Variants in IMMP2L observed in about 807,000 individuals in gnomAD.
IMMP2L encodes the protein inner mitochondrial membrane peptidase subunit 2.
IMMP2L carries 18 observed loss-of-function variants against 19.3 expected under a neutral mutation model. That is an observed-to-expected ratio of 0.93 (90% CI 0.64 to 1.38). The LOEUF (loss-of-function observed/expected upper bound fraction) is 1.38, where lower values mean the gene tolerates loss of function less well. Among genes scored for constraint, IMMP2L ranks in the 40% most tolerant of loss-of-function variants. The probability of loss-of-function intolerance (pLI) is 0.00; values close to 1 mark genes in which losing one functional copy is unlikely to be tolerated. For synonymous variants in IMMP2L, 76 were observed against 73.0 expected, an observed-to-expected ratio of 1.04 and a Z score of -0.21; for missense variants, 233 against 218.2, an observed-to-expected ratio of 1.07 and a Z score of -0.43.
At chr7:111,337,923 G>A (rs952144526) in intron 3 of IMMP2L, among the ~76,000 whole-genome samples, 1 of 152,004 alleles carries the variant, frequency 6.6e-6, no homozygotes, top group Non-Finnish European at 1.5e-5. Flanking sequence ...CCTCTATGAG[G>A]TTTACCAGAG....
intron 3 of IMMP2L, among the ~76,000 whole-genome samples, chr7:111,366,287 C>T (rs1378314372): frequency 1.3e-5 from 2 of 149,310 alleles, no homozygotes; most frequent in African/African-American, 4.9e-5. Flanking sequence ...CTGAACTTAA[C>T]TCATGAGAAA....
chr7:110,680,275 C>G (rs1215739002), intron 5 of IMMP2L, among the ~76,000 whole-genome samples: 1 of 152,106 alleles, frequency 6.6e-6, no homozygotes, highest in African/African-American at 2.4e-5. Context: ...AAGATCTGTT[C>G]TAAGTTGTTT....
At chr7:111,268,221 TC>T (rs1818029936) in intron 3 of IMMP2L, among the ~76,000 whole-genome samples, 1 of 152,032 alleles carries the variant, frequency 6.6e-6, no homozygotes, top group Non-Finnish European at 1.5e-5. Context: ...AAAGCTGATA[TC>T]CCTAAAAGGA....
intron 3 of IMMP2L, among the ~76,000 whole-genome samples, chr7:111,273,866 C>A (rs1472762261): frequency 6.6e-6 from 1 of 152,084 alleles, no homozygotes; most frequent in Non-Finnish European, 1.5e-5. Context: ...GATCTTAATA[C>A]TGAGAGGATG....
chr7:110,825,631 C>T (rs1338031111), intron 5 of IMMP2L, among the ~76,000 whole-genome samples: 2 of 152,144 alleles, frequency 1.3e-5, no homozygotes, highest in Non-Finnish European at 2.9e-5. Context: ...ACTGGCTAGT[C>T]ATATGTAGAA....
intron 3 of IMMP2L, among the ~76,000 whole-genome samples, chr7:111,312,737 A>G (rs148441760): frequency 0.011 from 1,615 of 152,220 alleles, 29 homozygotes; most frequent in African/African-American, 0.036. Flanking sequence ...TGGAACGGCA[A>G]TTTTCCACTG....
intron 3 of IMMP2L, among the ~76,000 whole-genome samples, chr7:111,182,986 C>T (rs1807875302): frequency 6.6e-6 from 1 of 151,954 alleles, no homozygotes; most frequent in Non-Finnish European, 1.5e-5. Context: ...TGCTAGATTG[C>T]ATAAGCTTTT....
At chr7:110,793,936 G>C (rs1462659037) in intron 5 of IMMP2L, among the ~76,000 whole-genome samples, 1 of 152,068 alleles carries the variant, frequency 6.6e-6, no homozygotes, top group African/African-American at 2.4e-5. Flanking sequence ...TGTCATCAGG[G>C]AATTGGAAAT....
At chr7:110,733,365 C>A (rs1796399765) in intron 5 of IMMP2L, among the ~76,000 whole-genome samples, 1 of 152,036 alleles carries the variant, frequency 6.6e-6, no homozygotes, top group Non-Finnish European at 1.5e-5. Context: ...GTCAAGGGAA[C>A]CTCTGCGAGT....
intron 1 of IMMP2L, among the ~76,000 whole-genome samples, chr7:111,548,435 T>C (rs1849140932): frequency 6.6e-6 from 1 of 152,170 alleles, no homozygotes; most frequent in Non-Finnish European, 1.5e-5. Flanking sequence ...ACAGTCATTC[T>C]TACATCTTTT....
chr7:111,499,803 T>C (rs1048448728), intron 2 of IMMP2L, among the ~76,000 whole-genome samples: 1 of 152,168 alleles, frequency 6.6e-6, no homozygotes, highest in African/African-American at 2.4e-5. Context: ...CTTTGGGCTC[T>C]TTTTTAAAAA....
At chr7:110,669,508 A>C (rs184191350) in intron 5 of IMMP2L, among the ~76,000 whole-genome samples, 4 of 152,232 alleles carry the variant, frequency 2.6e-5, no homozygotes, top group Non-Finnish European at 4.4e-5. Flanking sequence ...ATCTGAGCAC[A>C]CTGGCACAGC....
chr7:111,512,661 A>C (rs1011892522), intron 2 of IMMP2L, among the ~76,000 whole-genome samples: 3 of 152,112 alleles, frequency 2.0e-5, no homozygotes, highest in Non-Finnish European at 4.4e-5. Context: ...AACAATCTTA[A>C]GCAAGAAGAA....
At chr7:111,271,375 G>C (rs368043384) in intron 3 of IMMP2L, among the ~76,000 whole-genome samples, 336 of 152,248 alleles carry the variant, frequency 2.2e-3, no homozygotes, top group African/African-American at 7.0e-3. Context: ...ATGGACAAAA[G>C]CTGAATAACA....
At chr7:111,099,414 A>C (rs1797735791) in intron 3 of IMMP2L, among the ~76,000 whole-genome samples, 1 of 151,784 alleles carries the variant, frequency 6.6e-6, no homozygotes, top group Non-Finnish European at 1.5e-5. Flanking sequence ...CTAGCCCTGC[A>C]AAGTTAATTG....
chr7:110,941,498 T>C (rs2129553040), intron 4 of IMMP2L, among the ~76,000 whole-genome samples: 1 of 152,274 alleles, frequency 6.6e-6, no homozygotes, highest in African/African-American at 2.4e-5. Flanking sequence ...ATAATTATAT[T>C]AATGCATTTA....
intron 3 of IMMP2L, among the ~76,000 whole-genome samples, chr7:111,309,169 C>G (rs1339588936): frequency 4.6e-5 from 7 of 152,088 alleles, no homozygotes; most frequent in Non-Finnish European, 8.8e-5. Context: ...CATTATTTCA[C>G]AGATGTACTG....
At chr7:110,843,269 T>C (rs529238130) in intron 5 of IMMP2L, among the ~76,000 whole-genome samples, 31 of 152,286 alleles carry the variant, frequency 2.0e-4, no homozygotes, top group African/African-American at 7.0e-4. Context: ...AATAGAAGCT[T>C]AATTTCAACT....
At chr7:110,859,790 T>A (rs964702523) in intron 5 of IMMP2L, among the ~76,000 whole-genome samples, 1 of 151,876 alleles carries the variant, frequency 6.6e-6, no homozygotes, top group Non-Finnish European at 1.5e-5. Flanking sequence ...TATACAGTTG[T>A]GCAAATAAAA....
Sources: allele counts gnomAD v4.1 joint callset (sites outside exome capture counted in the v4.1 genomes callset), GRCh38; gene constraint gnomAD v4.1.1; transcripts MANE v1.5; gene names NCBI Gene and HGNC (gene_info 2026-07-23, HGNC 2026-07-21).